The following PTPRT variants were observed in gnomAD, a reference collection of about 807,000 sequenced individuals.
PTPRT encodes protein tyrosine phosphatase receptor type T.
Under a neutral mutation model 176.8 loss-of-function variants are expected in PTPRT, and 56 were observed. The observed-to-expected ratio is 0.32, with a 90% CI of 0.26 to 0.40. PTPRT has a LOEUF of 0.40. Ranked by LOEUF, PTPRT falls within the 10% of genes least tolerant of loss-of-function variation. The probability of loss-of-function intolerance (pLI) is 1.00; values close to 1 mark genes in which losing one functional copy is unlikely to be tolerated. For missense variants in PTPRT, 1,540 were observed against 1,908.2 expected (o/e 0.81, Z 3.60); for synonymous variants, 783 against 739.0 (o/e 1.06, Z -0.96).
At chr20:42,092,354 T>C (rs1221256155) in intron 27 of PTPRT, among the ~76,000 whole-genome samples, 3 of 152,322 alleles carry the variant, frequency 2.0e-5, no homozygotes, top group African/African-American at 4.8e-5. Flanking sequence ...GGGATGGACA[T>C]TGGGTTTTCC....
the PTPRT span, among the ~76,000 whole-genome samples, chr20:42,045,417 C>T: frequency 4.6e-5 from 7 of 151,100 alleles, no homozygotes; most frequent in African/African-American, 1.5e-4. Context: ...AAGAAAGTTT[C>T]GTTGTGATTA....
chr20:42,527,230 T>C (rs1007083536), intron 7 of PTPRT, among the ~76,000 whole-genome samples: 4 of 152,172 alleles, frequency 2.6e-5, no homozygotes, highest in African/African-American at 9.6e-5. Flanking sequence ...CCCAAAGTGC[T>C]GGGATTACAG....
At chr20:42,921,643 C>CA (rs1979150501) in intron 1 of PTPRT, among the ~76,000 whole-genome samples, 2 of 152,216 alleles carry the variant, frequency 1.3e-5, no homozygotes, top group African/African-American at 4.8e-5. Context: ...AACAGTCATA[C>CA]ATGTTCACTA....
intron 7 of PTPRT, among the ~76,000 whole-genome samples, chr20:42,544,101 C>T (rs781529362): frequency 2.0e-5 from 3 of 152,160 alleles, no homozygotes; most frequent in Non-Finnish European, 4.4e-5. Flanking sequence ...GCATTACCCC[C>T]TCACTAGAGA....
At chr20:42,783,605 T>C (rs930488310) in intron 3 of PTPRT, among the ~76,000 whole-genome samples, 1 of 152,060 alleles carries the variant, frequency 6.6e-6, no homozygotes. Flanking sequence ...CCCCACCCAA[T>C]AGATAGCCAG....
intron 1 of PTPRT, among the ~76,000 whole-genome samples, chr20:43,003,384 C>G (rs1025025464): frequency 6.6e-6 from 1 of 152,034 alleles, no homozygotes; most frequent in South Asian, 2.1e-4. Context: ...GACTAGGGGC[C>G]GGTGGGAGGG....
At chr20:43,174,584 C>T (rs1379982187) in intron 1 of PTPRT, among the ~76,000 whole-genome samples, 2 of 152,170 alleles carry the variant, frequency 1.3e-5, no homozygotes, top group Non-Finnish European at 2.9e-5. Context: ...TATGATTTTT[C>T]CCCTTCTTGC....
At chr20:42,575,206 G>A (rs954895133) in intron 7 of PTPRT, among the ~76,000 whole-genome samples, 11 of 152,226 alleles carry the variant, frequency 7.2e-5, no homozygotes, top group Non-Finnish European at 7.4e-5. Context: ...CAAGAGACCC[G>A]TCCCTTGGTC....
intron 7 of PTPRT, among the ~76,000 whole-genome samples, chr20:42,619,523 T>A (rs1419452402): frequency 1.4e-4 from 18 of 131,490 alleles, no homozygotes; most frequent in Admixed American, 5.0e-4. Context: ...CTGGATAATA[T>A]CCTGCAGAGT....
chr20:42,662,947 A>AG (rs1368019353), intron 7 of PTPRT, among the ~76,000 whole-genome samples: 1 of 151,532 alleles, frequency 6.6e-6, no homozygotes, highest in African/African-American at 2.4e-5. Flanking sequence ...TGTGACCCAC[A>AG]GTCTCAATAC....
At chr20:42,463,399 T>G (rs180775153) in intron 8 of PTPRT, among the ~76,000 whole-genome samples, 2 of 152,260 alleles carry the variant, frequency 1.3e-5, no homozygotes, top group East Asian at 3.9e-4. Flanking sequence ...ACTTTATAAT[T>G]TCATTCTCTT....
intron 3 of PTPRT, 77 bp from the exon 4 acceptor site, chr20:42,780,376 G>C (rs2077197848): frequency 1.8e-6 from 2 of 1,136,122 alleles, no homozygotes; most frequent in Non-Finnish European, 2.6e-6. Context: ...CCGGCCCCCA[G>C]CCCTTTATGT....
chr20:43,047,463 A>C (rs1368295835), intron 1 of PTPRT, among the ~76,000 whole-genome samples: 1 of 152,142 alleles, frequency 6.6e-6, no homozygotes. Flanking sequence ...TTAAGCAAGT[A>C]AAGTGTTTTG....
chr20:42,396,132 T>A (rs1036171023), intron 9 of PTPRT, among the ~76,000 whole-genome samples: 2 of 152,156 alleles, frequency 1.3e-5, no homozygotes, highest in African/African-American at 4.8e-5. Flanking sequence ...ATCCCAATCT[T>A]TCTCTGAAAC....
intron 9 of PTPRT, among the ~76,000 whole-genome samples, chr20:42,400,669 G>A (rs1312452177): frequency 6.6e-6 from 1 of 152,118 alleles, no homozygotes; most frequent in Non-Finnish European, 1.5e-5. Flanking sequence ...AGCTCATGGT[G>A]TATTGAGGGA....
At chr20:42,287,876 T>A (rs1203675501) in intron 12 of PTPRT, among the ~76,000 whole-genome samples, 1 of 151,542 alleles carries the variant, frequency 6.6e-6, no homozygotes, top group Non-Finnish European at 1.5e-5. Flanking sequence ...AAAGAAAAAA[T>A]TCCAAAAGGA....
intron 4 of PTPRT, among the ~76,000 whole-genome samples, chr20:42,775,126 C>T (rs972725339): frequency 6.6e-6 from 1 of 152,174 alleles, no homozygotes; most frequent in South Asian, 2.1e-4. Context: ...ACACTGAGAC[C>T]CAATTCCCCC....
chr20:42,266,262 C>CT (rs1419779467), intron 13 of PTPRT, among the ~76,000 whole-genome samples: 3 of 152,142 alleles, frequency 2.0e-5, no homozygotes, highest in African/African-American at 4.8e-5. Context: ...TCCCACAGCT[C>CT]TTTTTTCTGT....
At chr20:43,029,028 T>C (rs908412862) in intron 1 of PTPRT, among the ~76,000 whole-genome samples, 3 of 151,752 alleles carry the variant, frequency 2.0e-5, no homozygotes, top group African/African-American at 7.3e-5. Context: ...AAGAGGAGAG[T>C]GGGCAGTCAT....
Sources: allele counts gnomAD v4.1 joint callset (sites outside exome capture counted in the v4.1 genomes callset), GRCh38; gene constraint gnomAD v4.1.1; transcripts MANE v1.5; gene names NCBI Gene and HGNC (gene_info 2026-07-23, HGNC 2026-07-21).